PALM2AKAP2: variants seen among roughly 807,000 people sequenced by gnomAD.
The protein encoded by PALM2AKAP2 is PALM2 and AKAP2 fusion.
PALM2AKAP2 carries 37 observed loss-of-function variants against 71.5 expected under a neutral mutation model. The observed-to-expected ratio is 0.52, with a 90% CI of 0.40 to 0.68. PALM2AKAP2 has a LOEUF of 0.68. Ranked by LOEUF, PALM2AKAP2 falls within the 30% of genes least tolerant of loss-of-function variation. The pLI, the probability that PALM2AKAP2 is intolerant of heterozygous loss-of-function variation, is 0.00. For synonymous variants in PALM2AKAP2, 468 were observed against 478.8 expected (o/e 0.98, Z 0.29); for missense variants, 1,224 against 1,191.8 (o/e 1.03, Z -0.40).
chr9:110,093,234 GT>G (rs1031079807), intron 1 of PALM2AKAP2, among the ~76,000 whole-genome samples: 1 of 152,058 alleles, frequency 6.6e-6, no homozygotes, highest in Non-Finnish European at 1.5e-5. Flanking sequence ...AGAATTGATA[GT>G]TGATTGATTG....
intron 1 of PALM2AKAP2, among the ~76,000 whole-genome samples, chr9:109,750,794 C>T (rs1172137486): frequency 2.0e-5 from 3 of 152,100 alleles, no homozygotes; most frequent in South Asian, 2.1e-4. Context: ...CAACTTAAGA[C>T]ATTCTTTTGT....
Position 109,839,306 on chromosome 9 carries a change from G to A in PALM2AKAP2, c.46-28185G>A, listed in dbSNP as rs149626710. 1.9e-3 allele frequency among the ~76,000 whole-genome samples: 296 copies of A among 152,314 alleles called. 2 individuals are homozygous for A. The highest frequency in any genetic ancestry group is 6.9e-3 in the African/African-American group (285 of 41,566). On this transcript the variant is annotated intron_variant, in intron 1 of 9. Coordinates refer to the PALM2AKAP2 transcript ENST00000302798. ...AAACCACATGATTATCTCAATAGAT[G>A]CAGAAAAGGCCTTTGACAAAATTCA... is the stretch of plus-strand genomic sequence containing the variant.
intron 6 of PALM2AKAP2, among the ~76,000 whole-genome samples, chr9:110,005,698 TG>T (rs1285132935): frequency 6.6e-6 from 1 of 152,176 alleles, no homozygotes; most frequent in Non-Finnish European, 1.5e-5. Flanking sequence ...CTGGCTGCTT[TG>T]TTTACCTACT....
chr9:109,973,803 A>T (rs950762214), intron 6 of PALM2AKAP2, among the ~76,000 whole-genome samples: 3 of 152,222 alleles, frequency 2.0e-5, no homozygotes, highest in Admixed American at 2.0e-4. Context: ...CTTGCCCAAG[A>T]TGTAGCCAGT....
At chr9:110,017,140 A>G (rs902715823) in intron 7 of PALM2AKAP2, among the ~76,000 whole-genome samples, 6 of 152,194 alleles carry the variant, frequency 3.9e-5, no homozygotes, top group South Asian at 2.1e-4. Flanking sequence ...TGGCCTCCCA[A>G]AGTGCTGGGA....
At chr9:109,713,974 C>T (rs749904958) in intron 1 of PALM2AKAP2, among the ~76,000 whole-genome samples, 1 of 152,156 alleles carries the variant, frequency 6.6e-6, no homozygotes. Flanking sequence ...ATAGGAGAAA[C>T]TTGAGGGTAT....
At chr9:110,121,588 C>T (rs1216673751) in intron 1 of PALM2AKAP2, among the ~76,000 whole-genome samples, 2 of 152,238 alleles carry the variant, frequency 1.3e-5, no homozygotes. Flanking sequence ...GCCAGCCTCT[C>T]TACCCTGAGG....
At chr9:109,999,456 C>T (rs1832639203) in intron 6 of PALM2AKAP2, among the ~76,000 whole-genome samples, 2 of 152,058 alleles carry the variant, frequency 1.3e-5, no homozygotes, top group Admixed American at 1.3e-4. Context: ...CCATGTGGTT[C>T]CTGCCTCTCC....
At chr9:110,094,391 G>GT (rs1834785522) in intron 1 of PALM2AKAP2, among the ~76,000 whole-genome samples, 1 of 152,156 alleles carries the variant, frequency 6.6e-6, no homozygotes, top group African/African-American at 2.4e-5. Flanking sequence ...GTATTAGTTA[G>GT]TTCTCACATT....
chr9:109,860,794 C>T (rs79969884), intron 1 of PALM2AKAP2, among the ~76,000 whole-genome samples: 6,216 of 152,188 alleles, frequency 0.041, 258 homozygotes, highest in African/African-American at 0.1. Flanking sequence ...GTCTGTTTCT[C>T]GCAGTTTTTC....
chr9:110,102,652 A>G (rs570520387), intron 1 of PALM2AKAP2, among the ~76,000 whole-genome samples: 1 of 151,908 alleles, frequency 6.6e-6, no homozygotes, highest in South Asian at 2.1e-4. Context: ...AGTACAAGTG[A>G]AACAGATGCT....
At chr9:109,674,704 A>G (rs565416746) in intron 1 of PALM2AKAP2, among the ~76,000 whole-genome samples, 42 of 152,246 alleles carry the variant, frequency 2.8e-4, no homozygotes, top group Non-Finnish European at 5.0e-4. Flanking sequence ...CACATAGGCT[A>G]CTTTCTATTC....
intron 1 of PALM2AKAP2, among the ~76,000 whole-genome samples, chr9:110,065,896 A>C (rs562045385): frequency 5.5e-4 from 83 of 152,258 alleles, no homozygotes; most frequent in African/African-American, 1.9e-3. Context: ...CCTTCCTTTA[A>C]AAAAATTGAA....
rs532503123 is a variant in PALM2AKAP2 at position 109,801,419 on chromosome 9, G to A, written c.45+20886G>A. Among the ~76,000 whole-genome samples the A allele has an allele frequency of 2.6e-5, 4 of 152,344 alleles. No individual in the cohort carries two copies. In the East Asian group the frequency reaches 7.7e-4, roughly 29 times the overall value. On this transcript the variant is annotated intron_variant, in intron 1 of 9. Coordinates refer to the PALM2AKAP2 transcript ENST00000302798. Reference sequence around the variant, plus strand: ...TTAGAAAGGTGGATTCCAGATGATTGAGCTGAAATGGAGTTGGACAGTCAC... The same window carrying A: ...TTAGAAAGGTGGATTCCAGATGATTAAGCTGAAATGGAGTTGGACAGTCAC...
At chr9:109,713,153 C>T (rs1828266280) in intron 1 of PALM2AKAP2, among the ~76,000 whole-genome samples, 1 of 152,188 alleles carries the variant, frequency 6.6e-6, no homozygotes, top group Non-Finnish European at 1.5e-5. Context: ...TATATTTTAA[C>T]CATCTATCAT....
rs1325306961 is a variant in PALM2AKAP2 at position 109,871,724 on chromosome 9, A to C, written c.126+4153A>C. On this transcript the variant is annotated intron_variant, in intron 2 of 9. Transcript: ENST00000302798. ...TAACATTAGCATTGGAATAACATTA[A>C]CCTTTACCTCTTTTTTATGTGGGTT... 2.6e-5 allele frequency among the ~76,000 whole-genome samples: 4 copies of C among 152,094 alleles called. No homozygotes were observed. In the East Asian group the frequency reaches 7.7e-4, roughly 29 times the overall value.
intron 1 of PALM2AKAP2, among the ~76,000 whole-genome samples, chr9:109,641,131 A>T (rs1023776196): frequency 4.6e-5 from 7 of 152,182 alleles, no homozygotes; most frequent in Non-Finnish European, 7.4e-5. Context: ...GTTGCTAAGG[A>T]CGGAGGCATA....
intron 1 of PALM2AKAP2, among the ~76,000 whole-genome samples, chr9:109,666,801 G>A (rs540186115): frequency 2.0e-4 from 30 of 152,342 alleles, no homozygotes; most frequent in African/African-American, 7.0e-4. Context: ...GACAAAGGTG[G>A]TGACCCAGAG....
At chr9:109,828,607 A>G (rs1365818577) in intron 1 of PALM2AKAP2, among the ~76,000 whole-genome samples, 1 of 152,232 alleles carries the variant, frequency 6.6e-6, no homozygotes, top group Non-Finnish European at 1.5e-5. Flanking sequence ...TAGTCATACA[A>G]TAATTCTATT....
Sources: allele counts gnomAD v4.1 joint callset (sites outside exome capture counted in the v4.1 genomes callset), GRCh38; gene constraint gnomAD v4.1.1; transcripts MANE v1.5; gene names NCBI Gene and HGNC (gene_info 2026-07-23, HGNC 2026-07-21).